NFIB: variants seen among roughly 807,000 people sequenced by gnomAD.
NFIB encodes nuclear factor I B.
Under a neutral mutation model 61.5 loss-of-function variants are expected in NFIB, and 11 were observed. The ratio of observed to expected loss-of-function variants is 0.18; its 90% confidence interval spans 0.11 to 0.30. The LOEUF (loss-of-function observed/expected upper bound fraction) is 0.30, where lower values mean the gene tolerates loss of function less well. Ranked by LOEUF, NFIB falls within the 10% of genes least tolerant of loss-of-function variation. The pLI is 1.00. For synonymous variants in NFIB, 260 were observed against 216.5 expected (o/e 1.20, Z -1.76); for missense variants, 471 against 608.9 (o/e 0.77, Z 2.38).
chr9:14,253,090 C>T (rs1386024873), intron 2 of NFIB, among the ~76,000 whole-genome samples: 1 of 152,294 alleles, frequency 6.6e-6, no homozygotes. Context: ...AAAGTTTAAG[C>T]AGATCTGCAA....
At chr9:14,518,589 C>G in the NFIB span, among the ~76,000 whole-genome samples, 1 of 151,822 alleles carries the variant, frequency 6.6e-6, no homozygotes, top group African/African-American at 2.4e-5. Flanking sequence ...TTAGGTCCAC[C>G]TTCCATCCCT....
At chr9:14,436,942 A>G in the NFIB span, among the ~76,000 whole-genome samples, 4 of 150,556 alleles carry the variant, frequency 2.7e-5, no homozygotes, top group East Asian at 5.8e-4. Flanking sequence ...AAATTTCCTT[A>G]AAAGTTTTCA....
At chr9:14,208,456 G>A (rs1394216604) in intron 2 of NFIB, among the ~76,000 whole-genome samples, 1 of 151,986 alleles carries the variant, frequency 6.6e-6, no homozygotes, top group Admixed American at 6.5e-5. Context: ...TCAAATGTGA[G>A]TATGAATTAC....
At chr9:14,114,870 T>C (rs980118782) in intron 9 of NFIB, among the ~76,000 whole-genome samples, 5 of 152,234 alleles carry the variant, frequency 3.3e-5, no homozygotes, top group African/African-American at 1.2e-4. Flanking sequence ...TTTAAATTGC[T>C]GACATTGTTT....
chr9:14,503,257 T>C, the NFIB span, among the ~76,000 whole-genome samples: 1 of 152,120 alleles, frequency 6.6e-6, no homozygotes, highest in Non-Finnish European at 1.5e-5. Context: ...AACATGTGTG[T>C]GCAAGTATCT....
intron 2 of NFIB, among the ~76,000 whole-genome samples, chr9:14,293,723 G>A (rs1423383214): frequency 1.3e-5 from 2 of 152,132 alleles, no homozygotes; most frequent in African/African-American, 4.8e-5. Context: ...CAGATACCAA[G>A]AGCCACAAGT....
chr9:14,431,406 T>C, the NFIB span, among the ~76,000 whole-genome samples: 1 of 152,172 alleles, frequency 6.6e-6, no homozygotes, highest in South Asian at 2.1e-4. Flanking sequence ...CTTTTGCTAA[T>C]GGAAAACTCA....
At chr9:14,347,723 T>A (rs2061047518) in intron 1 of NFIB, among the ~76,000 whole-genome samples, 1 of 151,934 alleles carries the variant, frequency 6.6e-6, no homozygotes, top group Non-Finnish European at 1.5e-5. Flanking sequence ...GACATTTCCT[T>A]AGGAAACAGA....
the NFIB span, among the ~76,000 whole-genome samples, chr9:14,435,516 A>C: frequency 4.6e-5 from 7 of 152,344 alleles, no homozygotes; most frequent in Admixed American, 3.3e-4. Context: ...CAACTACTTC[A>C]TAGGATTATT....
chr9:14,401,706 T>C (rs1158550010), upstream of NFIB, among the ~76,000 whole-genome samples: 1 of 152,220 alleles, frequency 6.6e-6, no homozygotes, highest in Non-Finnish European at 1.5e-5. Context: ...TGATGCTGAG[T>C]ACTTTTTGGG....
chr9:14,515,747 C>T, the NFIB span, among the ~76,000 whole-genome samples: 1 of 152,192 alleles, frequency 6.6e-6, no homozygotes, highest in Non-Finnish European at 1.5e-5. Context: ...GAGGCTGACT[C>T]AGTGGGTTGG....
At chr9:14,406,173 G>A in the NFIB span, among the ~76,000 whole-genome samples, 1 of 152,192 alleles carries the variant, frequency 6.6e-6, no homozygotes, top group Non-Finnish European at 1.5e-5. Flanking sequence ...GGACAAGGGA[G>A]TTTCTCTGAG....
chr9:14,327,563 G>A (rs889258317), intron 1 of NFIB, among the ~76,000 whole-genome samples: 4 of 152,148 alleles, frequency 2.6e-5, no homozygotes, highest in African/African-American at 9.7e-5. Context: ...CTCTGCATTC[G>A]TGATATGAAG....
chr9:14,350,534 C>G (rs2061095898), intron 1 of NFIB, among the ~76,000 whole-genome samples: 1 of 151,930 alleles, frequency 6.6e-6, no homozygotes, highest in African/African-American at 2.4e-5. Context: ...AGTTGGGGGT[C>G]TTCTAGCTGT....
At chr9:14,252,009 A>G (rs2055684840) in intron 2 of NFIB, among the ~76,000 whole-genome samples, 1 of 152,210 alleles carries the variant, frequency 6.6e-6, no homozygotes, top group Admixed American at 6.5e-5. Flanking sequence ...TAATTTTTAC[A>G]TCTATCAGGA....
intron 3 of NFIB, among the ~76,000 whole-genome samples, chr9:14,166,825 C>T (rs2044850974): frequency 6.6e-6 from 1 of 152,182 alleles, no homozygotes; most frequent in Non-Finnish European, 1.5e-5. Flanking sequence ...GTTTCTTACT[C>T]CTCCGATGCA....
chr9:14,400,788 T>G (rs1018258714), upstream of NFIB, among the ~76,000 whole-genome samples: 26 of 152,306 alleles, frequency 1.7e-4, no homozygotes, highest in African/African-American at 6.3e-4. Flanking sequence ...TGACATCTGC[T>G]GGCCTTGCTA....
At chr9:14,531,613 C>T in the NFIB span, among the ~76,000 whole-genome samples, 1 of 152,082 alleles carries the variant, frequency 6.6e-6, no homozygotes, top group African/African-American at 2.4e-5. Context: ...GCTCCAATCC[C>T]CTACTGACTG....
At chr9:14,184,327 C>A (rs1041944551) in intron 2 of NFIB, among the ~76,000 whole-genome samples, 5 of 152,190 alleles carry the variant, frequency 3.3e-5, no homozygotes, top group Non-Finnish European at 7.3e-5. Context: ...GGGAAACTTA[C>A]CTTCCCCTAA....
Sources: gnomAD v4.1 joint callset for allele counts (sites outside exome capture counted in the v4.1 genomes callset) on GRCh38, gnomAD v4.1.1 for gene constraint, MANE v1.5 for transcripts, NCBI Gene and HGNC (gene_info 2026-07-23, HGNC 2026-07-21) for gene names.